CGRRF1: variants seen among roughly 807,000 people sequenced by gnomAD.
The protein encoded by CGRRF1 is cell growth regulator with ring finger domain 1.
A neutral mutation model predicts 37.2 loss-of-function variants in CGRRF1; 32 were observed. That is an observed-to-expected ratio of 0.86 (90% CI 0.65 to 1.16). The LOEUF (loss-of-function observed/expected upper bound fraction) is 1.16, where lower values mean the gene tolerates loss of function less well. CGRRF1 is among the 50% of genes most tolerant of loss of function. The pLI is 0.00. For missense variants in CGRRF1, 391 were observed against 382.6 expected (o/e 1.02, Z -0.18); for synonymous variants, 141 against 140.3 (o/e 1.00, Z -0.04).
intron 1 of CGRRF1, among the ~76,000 whole-genome samples, chr14:54,519,584 T>C (rs1231329151): frequency 6.6e-6 from 1 of 152,096 alleles, no homozygotes; most frequent in Admixed American, 6.6e-5. Context: ...GTTCTGCGTA[T>C]TTTTGTATTG....
intron 2 of CGRRF1, among the ~76,000 whole-genome samples, chr14:54,527,265 C>T (rs751797997): frequency 1.3e-5 from 2 of 151,946 alleles, no homozygotes; most frequent in Non-Finnish European, 1.5e-5. Flanking sequence ...GATGGGGGTA[C>T]TGACACTGTC....
At chr14:54,523,284 A>G (rs1265810817) in intron 2 of CGRRF1, 1 of 154,154 alleles carries the variant, frequency 6.5e-6, no homozygotes, top group Non-Finnish European at 1.5e-5. Context: ...ATTGTCATTT[A>G]ATCTGAAACT....
chr14:54,510,317 C>T (rs567950286), intron 1 of CGRRF1: 53 of 515,970 alleles, frequency 1.0e-4, no homozygotes, highest in African/African-American at 9.3e-4. Flanking sequence ...GGGTGTTTTA[C>T]TCAGCTTTGT....
At chr14:54,524,515 A>C (rs1325493295) in intron 2 of CGRRF1, among the ~76,000 whole-genome samples, 1 of 151,060 alleles carries the variant, frequency 6.6e-6, no homozygotes, top group Non-Finnish European at 1.5e-5. Flanking sequence ...CCCCCTGAGT[A>C]GCTGGGACTA....
intron 4 of CGRRF1, among the ~76,000 whole-genome samples, chr14:54,534,999 G>A (rs547510242): frequency 1.3e-5 from 2 of 152,194 alleles, no homozygotes; most frequent in Non-Finnish European, 2.9e-5. Flanking sequence ...GATTACAGGC[G>A]TGAGCCACCA....
intron 1 of CGRRF1, among the ~76,000 whole-genome samples, chr14:54,512,074 A>G (rs1008976880): frequency 1.4e-4 from 21 of 152,224 alleles, no homozygotes; most frequent in African/African-American, 4.6e-4. Flanking sequence ...AATAGTACCA[A>G]TAGTACCCCA....
chr14:54,513,613 T>A (rs12586397), intron 1 of CGRRF1, among the ~76,000 whole-genome samples: 29 of 61,356 alleles, frequency 4.7e-4, no homozygotes, highest in African/African-American at 1.0e-3. Context: ...TATGTTATGT[T>A]ATGTAATGTT....
Position 54,530,076 on chromosome 14 carries a change from T to C in CGRRF1, c.272T>C (p.Leu91Pro). 3 of 1,612,514 alleles carry C rather than the reference T, an allele frequency of 1.9e-6. No homozygotes were observed. The highest frequency in any genetic ancestry group is 2.5e-6 in the Non-Finnish European group (3 of 1,178,772). Reference protein sequence around the residue: ...TTGITLTTDCLEDSLLTCYWG... With the variant: ...TTGITLTTDCPEDSLLTCYWG... The stretch of plus-strand genomic sequence containing the variant: ...GGCATAACCTTGACAACAGATTGCC[T>C]TGAAGATAGCCTCCTTACATGCTAC... Residue 91 changes from leucine to proline, a missense_variant, in exon 3 of 6, where the codon CTT (leucine) becomes CCT (proline). Coordinates refer to ENST00000216420, the MANE Select transcript of CGRRF1 (RefSeq NM_006568.3).
At chr14:54,534,164 G>A (rs1009888588) in intron 4 of CGRRF1, among the ~76,000 whole-genome samples, 4 of 151,552 alleles carry the variant, frequency 2.6e-5, no homozygotes, top group Admixed American at 6.6e-5. Flanking sequence ...TCGCTCTGTC[G>A]CCCAGGCTGG....
intron 1 of CGRRF1, among the ~76,000 whole-genome samples, chr14:54,520,713 C>G (rs1209463625): frequency 6.6e-6 from 1 of 152,156 alleles, no homozygotes; most frequent in African/African-American, 2.4e-5. Flanking sequence ...TGAAATTTAT[C>G]CATTTGATTG....
At chr14:54,532,762 G>A (rs1343867116) in intron 4 of CGRRF1, among the ~76,000 whole-genome samples, 4 of 150,996 alleles carry the variant, frequency 2.6e-5, no homozygotes, top group South Asian at 2.1e-4. Flanking sequence ...GCTTGACAGC[G>A]AAACACCTTA....
chr14:54,523,682 TC>T (rs2032360586), intron 2 of CGRRF1, among the ~76,000 whole-genome samples: 1 of 152,180 alleles, frequency 6.6e-6, no homozygotes, highest in African/African-American at 2.4e-5. Flanking sequence ...AGACTCAGGT[TC>T]TTCCTATGGG....
At chr14:54,513,795 G>A (rs960140738) in intron 1 of CGRRF1, among the ~76,000 whole-genome samples, 6 of 152,040 alleles carry the variant, frequency 3.9e-5, no homozygotes, top group African/African-American at 1.2e-4. Flanking sequence ...GCAAAACTCG[G>A]TCTCTACAAA....
rs1386799193 is a variant in CGRRF1 at position 54,538,673 on chromosome 14, A to T, written c.*290A>T. On this transcript the variant is annotated 3_prime_UTR_variant, in exon 6 of 6. Transcript: ENST00000216420. The stretch of plus-strand genomic sequence containing the variant: ...TCCTCTCATGTTAATTAGAAAAATC[A>T]TTCTGAAAGGCAATCCATTGAAAAT... 8.9e-6 allele frequency: 2 copies of T among 225,394 alleles called. No homozygotes were observed. Among genetic ancestry groups the T allele is most frequent in the Non-Finnish European group, 1.7e-5 (2 of 115,142 alleles). 14.0% of individuals were successfully genotyped at this position (225,394 alleles called of 1,614,324 possible). A position where few individuals can be genotyped will look rare whatever the true frequency, so the allele number is the denominator to read the frequency against.
chr14:54,515,784 A>T (rs1368928910), intron 1 of CGRRF1, among the ~76,000 whole-genome samples: 1 of 151,686 alleles, frequency 6.6e-6, no homozygotes, highest in Non-Finnish European at 1.5e-5. Context: ...TCATCCTTTT[A>T]CTTGTAAACT....
chr14:54,535,257 C>G (rs2032581360), intron 4 of CGRRF1, among the ~76,000 whole-genome samples: 1 of 151,924 alleles, frequency 6.6e-6, no homozygotes, highest in South Asian at 2.1e-4. Flanking sequence ...AGGTTCTAGT[C>G]TAGAGCCAGA....
intron 1 of CGRRF1, among the ~76,000 whole-genome samples, chr14:54,518,660 T>C (rs2032260587): frequency 6.6e-6 from 1 of 152,222 alleles, no homozygotes; most frequent in South Asian, 2.1e-4. Flanking sequence ...TGAAATGGTA[T>C]CTCATTGTGG....
intron 4 of CGRRF1, 158 bp from the exon 5 acceptor site, chr14:54,537,564 G>A (rs916540889): frequency 5.0e-5 from 35 of 703,728 alleles, no homozygotes; most frequent in Admixed American, 8.3e-5. Context: ...TCAGATTGAC[G>A]TAAATTTTCT....
At position 54,538,756 on chromosome 14, in the gene CGRRF1, G is replaced by T. The variant is rs540328187; in HGVS notation, c.*373G>T. 6.2e-6 allele frequency: 1 copy of T among 161,766 alleles called. No individual in the cohort carries two copies. Among genetic ancestry groups the T allele is most frequent in the Non-Finnish European group, 1.4e-5 (1 of 73,770 alleles). 10.0% of individuals were successfully genotyped at this position (161,766 alleles called of 1,614,324 possible). ...GTTTTACCTTTGATGTAATCGGAGTGCAATTAAGAAAAAACTTAATTCTAC... is the reference window on the plus strand; with the variant it reads ...GTTTTACCTTTGATGTAATCGGAGTTCAATTAAGAAAAAACTTAATTCTAC... On this transcript the variant is annotated 3_prime_UTR_variant, in exon 6 of 6. Coordinates refer to ENST00000216420, the MANE Select transcript of CGRRF1 (RefSeq NM_006568.3).
Sources: gnomAD v4.1 joint callset for allele counts (sites outside exome capture counted in the v4.1 genomes callset) on GRCh38, gnomAD v4.1.1 for gene constraint, MANE v1.5 for transcripts, NCBI Gene and HGNC (gene_info 2026-07-23, HGNC 2026-07-21) for gene names.